MPP2: variants seen among roughly 807,000 people sequenced by gnomAD.
The protein encoded by MPP2 is MAGUK p55 subfamily member 2.
Under a neutral mutation model 58.5 loss-of-function variants are expected in MPP2, and 42 were observed. The ratio of observed to expected loss-of-function variants is 0.72; its 90% confidence interval spans 0.56 to 0.93. MPP2 has a LOEUF of 0.93. MPP2 is among the 40% of genes least tolerant of loss of function. The pLI is 0.00. For synonymous variants in MPP2, 300 were observed against 307.8 expected (o/e 0.97, Z 0.26); for missense variants, 632 against 760.4 (o/e 0.83, Z 1.99).
At chr17:43,901,434 G>A (rs1827182329) in intron 2 of MPP2, 1 of 985,514 alleles carries the variant, frequency 1.0e-6, no homozygotes, top group Non-Finnish European at 1.2e-6. Context: ...ACAGGGAAAA[G>A]TGTGGGCAGA....
chr17:43,900,039 G>A (rs925282689), intron 2 of MPP2, among the ~76,000 whole-genome samples: 2 of 152,220 alleles, frequency 1.3e-5, no homozygotes, highest in Non-Finnish European at 1.5e-5. Flanking sequence ...CCTCCAGGAA[G>A]GAACAGGAGT....
At chr17:43,909,553 C>T (rs1344706525), upstream of MPP2, 5 of 1,465,708 alleles carry the variant, frequency 3.4e-6, no homozygotes, top group South Asian at 1.4e-5. Flanking sequence ...TCCATAGCGA[C>T]CCACATCAAA....
Position 43,880,953 on chromosome 17 carries a change from G to T in MPP2, c.989-101C>A, listed in dbSNP as rs2047085086. The T allele has an allele frequency of 6.6e-7, 1 of 1,518,174 alleles. No individual in the cohort carries two copies. Among genetic ancestry groups the T allele is most frequent in the African/African-American group, 1.4e-5 (1 of 72,986 alleles). 94.0% of individuals were successfully genotyped at this position (1,518,174 alleles called of 1,614,324 possible). A position where few individuals can be genotyped will look rare whatever the true frequency, so the allele number is the denominator to read the frequency against. On this transcript the variant is annotated intron_variant, in intron 9 of 12. Transcript: ENST00000269095. The surrounding 1 kb of genome is among the most constrained non-coding windows in gnomAD (Gnocchi z 5.2). ...CAAGAGGGCTTGGAACAGGGGAGCA[G>T]GGGGGAGTCGGGCAGGGCCTAGGGA...
intron 3 of MPP2, among the ~76,000 whole-genome samples, chr17:43,889,747 T>G (rs1050109823): frequency 6.6e-6 from 1 of 151,968 alleles, no homozygotes; most frequent in Non-Finnish European, 1.5e-5. Context: ...TTCTACATAC[T>G]TCTGAAATTC....
chr17:43,907,444 G>A lies in MPP2; in HGVS notation c.-34+30C>T. The A allele has an allele frequency of 5.1e-6, 5 of 985,650 alleles. No homozygotes were observed. The South Asian group carries it at 2.3e-4, about 46-fold the overall frequency. The allele number at this position is 985,650 out of a possible 1,614,324, so 61.1% of individuals were successfully genotyped here. On this transcript the variant is annotated intron_variant, in intron 1 of 12. Coordinates refer to ENST00000269095, the MANE Select transcript of MPP2 (RefSeq NM_005374.5). The stretch of plus-strand genomic sequence containing the variant: ...AAAGAAGGCGGAGGTCTTGGGATAG[G>A]AGCTGGCCCGGGGGCCGGGGGACGC...
chr17:43,909,362 G>A (rs779958553), upstream of MPP2, among the ~76,000 whole-genome samples: 1 of 151,994 alleles, frequency 6.6e-6, no homozygotes, highest in Non-Finnish European at 1.5e-5. Context: ...CACTGCACCC[G>A]GCCTAGAAAA....
chr17:43,892,725 C>T (rs1050145649), intron 3 of MPP2, among the ~76,000 whole-genome samples: 1 of 152,132 alleles, frequency 6.6e-6, no homozygotes, highest in Non-Finnish European at 1.5e-5. Context: ...CGGAACCATA[C>T]CAGGAATTTC....
At chr17:43,902,397 C>T (rs1435024878) in intron 2 of MPP2, among the ~76,000 whole-genome samples, 16 of 152,176 alleles carry the variant, frequency 1.1e-4, no homozygotes, top group Non-Finnish European at 1.8e-4. Flanking sequence ...TGGGCAGTCC[C>T]GGCTGGAGAG....
intron 3 of MPP2, among the ~76,000 whole-genome samples, chr17:43,896,289 A>G (rs971825795): frequency 5.3e-5 from 8 of 151,946 alleles, no homozygotes; most frequent in Non-Finnish European, 1.5e-5. Context: ...GGACAAGCCC[A>G]TCCCACTCCT....
rs2047039417 is a variant in MPP2, at chr17:43,880,051, T to C, written c.1151-67A>G. On this transcript the variant is annotated intron_variant, in intron 10 of 12. Transcript: ENST00000269095. This position sits in a 1 kb window ranked among gnomAD's most constrained non-coding sequence, Gnocchi z 5.2. ...GGTTACAGTGCCTCAGACACATATA[T>C]GCACCCCTACCCAGGCCCCCGTTTC... is the stretch of plus-strand genomic sequence containing the variant. 4.0e-6 allele frequency: 6 copies of C among 1,489,004 alleles called. No homozygotes were observed. Among genetic ancestry groups the C allele is most frequent in the East Asian group, 2.3e-5 (1 of 43,864 alleles). The allele number at this position is 1,489,004 out of a possible 1,614,324, so 92.2% of individuals were successfully genotyped here. A position where few individuals can be genotyped will look rare whatever the true frequency, so the allele number is the denominator to read the frequency against.
intron 1 of MPP2, among the ~76,000 whole-genome samples, chr17:43,906,310 G>A (rs1206645786): frequency 1.3e-5 from 2 of 152,174 alleles, no homozygotes; most frequent in Non-Finnish European, 2.9e-5. Flanking sequence ...CTGAGAGGGC[G>A]GGGCCTGGCT....
At chr17:43,908,708 C>T (rs187822209), upstream of MPP2, among the ~76,000 whole-genome samples, 838 of 152,284 alleles carry the variant, frequency 5.5e-3, 6 homozygotes, top group Admixed American at 9.2e-3. Context: ...GACCCTGTCT[C>T]AAAAGAAACA....
At chr17:43,898,165 T>G (rs1338988704) in intron 3 of MPP2, 97 bp downstream of exon 3, 3 of 926,884 alleles carry the variant, frequency 3.2e-6, no homozygotes, top group South Asian at 1.4e-5. Context: ...TTGTGCCACA[T>G]GTCCCATTCC....
At chr17:43,900,273 A>G (rs556625676) in intron 2 of MPP2, among the ~76,000 whole-genome samples, 21 of 152,274 alleles carry the variant, frequency 1.4e-4, no homozygotes, top group African/African-American at 4.6e-4. Context: ...CCTTCCTGCC[A>G]GGGTATGCCA....
At chr17:43,902,095 G>A (rs1428499940) in intron 2 of MPP2, among the ~76,000 whole-genome samples, 1 of 152,116 alleles carries the variant, frequency 6.6e-6, no homozygotes, top group African/African-American at 2.4e-5. Flanking sequence ...TTTGAAGCTG[G>A]GAGCTAATGT....
intron 1 of MPP2, 39 bp downstream of exon 1, chr17:43,907,434 CT>C (rs2048334922): frequency 2.0e-6 from 2 of 985,480 alleles, no homozygotes; most frequent in Non-Finnish European, 2.4e-6. Flanking sequence ...AGGCGGAGGT[CT>C]TGGGATAGGA....
rs768895506 is a variant in MPP2 at position 43,879,440 on chromosome 17, CAT to C, written c.1354-39_1354-38del. On this transcript the variant is annotated intron_variant, in intron 11 of 12. Coordinates refer to ENST00000269095, the MANE Select transcript of MPP2 (RefSeq NM_005374.5). The surrounding 1 kb of genome is among the most constrained non-coding windows in gnomAD (Gnocchi z 4.1). ...GAAGGCAAGGTAGGGAGTATATCCC[CAT>C]GTCTGTCCTAGGAACCAGAGAAAGG... 1.0e-4 allele frequency: 168 copies of C among 1,610,224 alleles called. No homozygotes were observed. Among genetic ancestry groups the C allele is most frequent in the Admixed American group, 1.5e-4 (9 of 59,848 alleles).
In MPP2 at chr17:43,882,416, GT is replaced by G; in HGVS notation, c.548del (p.Asp183AlafsTer6). The G allele has an allele frequency of 1.2e-6, 2 of 1,611,092 alleles. No homozygotes were observed. The highest frequency in any genetic ancestry group is 1.7e-6 in the Non-Finnish European group (2 of 1,179,982). ...VAQQGLLHVG[D>X]IIKEVNGQPV... ...GCTGCCCGTTCACCTCCTTGATGAT[GT>G]CACCCACATGCAGCAGGCCTTGTTG... On this transcript the variant is annotated frameshift_variant, in exon 6 of 13. Coordinates refer to ENST00000269095, the MANE Select transcript of MPP2 (RefSeq NM_005374.5). LOFTEE classifies it high-confidence loss of function.
intron 6 of MPP2, 64 bp from the exon 7 acceptor site, chr17:43,881,653 A>G: frequency 6.4e-7 from 1 of 1,569,024 alleles, no homozygotes; most frequent in Non-Finnish European, 8.6e-7. Context: ...GTGGAGGTCT[A>G]CCCCATGCCC....
Sources: gnomAD v4.1 joint callset for allele counts (sites outside exome capture counted in the v4.1 genomes callset) on GRCh38, gnomAD v4.1.1 for gene constraint, Gnocchi (gnomAD v3.1) non-coding constraint, MANE v1.5 for transcripts, NCBI Gene and HGNC (gene_info 2026-07-23, HGNC 2026-07-21) for gene names.